GSDME: variants seen among roughly 807,000 people sequenced by gnomAD.
GSDME encodes gasdermin-E.
GSDME carries 44 observed loss-of-function variants against 47.5 expected under a neutral mutation model. The observed-to-expected ratio is 0.93, with a 90% CI of 0.73 to 1.19. GSDME has a LOEUF of 1.19. Among genes scored for constraint, GSDME ranks in the 50% most tolerant of loss-of-function variants. The probability of loss-of-function intolerance (pLI) is 0.00; values close to 1 mark genes in which losing one functional copy is unlikely to be tolerated. For missense variants in GSDME, 663 were observed against 604.2 expected, an observed-to-expected ratio of 1.10 and a Z score of -1.02; for synonymous variants, 258 against 252.8, an observed-to-expected ratio of 1.02 and a Z score of -0.20.
At chr7:24,700,919 C>A (rs751212395) in intron 9 of GSDME, among the ~76,000 whole-genome samples, 3 of 152,188 alleles carry the variant, frequency 2.0e-5, no homozygotes, top group Non-Finnish European at 4.4e-5. Context: ...TCCACCACCC[C>A]CTTTGCCCAC....
At chr7:24,717,567 C>T (rs774651801) in intron 4 of GSDME, among the ~76,000 whole-genome samples, 193 bp from the exon 5 acceptor site, 35 of 152,130 alleles carry the variant, frequency 2.3e-4, no homozygotes, top group Non-Finnish European at 3.7e-4. Context: ...ACACAAATTC[C>T]CAAGTAAACG....
chr7:24,707,504 A>T lies in GSDME; in HGVS notation c.990+623T>A, dbSNP rs144496723. On this transcript the variant is annotated intron_variant, in intron 7 of 9. Transcript: ENST00000645220. ...AGGCTGACTTTATAGATTCCACCAC[A>T]CGACCCCCTTGCAGTAGTCTGAGTA... 53 of 458,948 alleles carry T rather than the reference A, an allele frequency of 1.2e-4. No homozygotes were observed. The East Asian group carries it at 2.9e-3, about 25-fold the overall frequency. 28.4% of individuals were successfully genotyped at this position (458,948 alleles called of 1,614,324 possible). A position where few individuals can be genotyped will look rare whatever the true frequency, so the allele number is the denominator to read the frequency against.
At chr7:24,707,772 A>G in intron 7 of GSDME, 1 of 476,398 alleles carries the variant, frequency 2.1e-6, no homozygotes, top group Non-Finnish European at 3.7e-6. Context: ...ACTAGGAGCC[A>G]TCCGCAGCTG....
chr7:24,766,162 C>T, the GSDME span, among the ~76,000 whole-genome samples: 2 of 148,882 alleles, frequency 1.3e-5, no homozygotes, highest in Non-Finnish European at 3.0e-5. This position sits in a 1 kb window ranked among gnomAD's most constrained non-coding sequence, Gnocchi z 4.2. Flanking sequence ...TTTCTATGGC[C>T]ATGATATTAA....
the GSDME span, among the ~76,000 whole-genome samples, chr7:24,790,433 G>C: frequency 6.6e-6 from 1 of 152,154 alleles, no homozygotes; most frequent in African/African-American, 2.4e-5. This position sits in a 1 kb window ranked among gnomAD's most constrained non-coding sequence, Gnocchi z 4.1. Flanking sequence ...GGGAAGCATA[G>C]ACAGGGAAGC....
chr7:24,736,811 C>T lies in GSDME; in HGVS notation c.404+7751G>A, dbSNP rs1173538971. Among the ~76,000 whole-genome samples the T allele has an allele frequency of 6.6e-6, 1 of 152,094 alleles. No homozygotes were observed. The highest frequency in any genetic ancestry group is 1.5e-5 in the Non-Finnish European group (1 of 67,984). On this transcript the variant is annotated intron_variant, in intron 3 of 9. Coordinates refer to ENST00000645220, the MANE Select transcript of GSDME (RefSeq NM_001127453.2). The surrounding 1 kb of genome is among the most constrained non-coding windows in gnomAD (Gnocchi z 4.6). ...CAAAAAATTGAAATAATATAAAGTA[C>T]CTTCTCTGACCACAGTGGAATAAAA...
At chr7:24,741,151 G>A (rs1415511705) in intron 3 of GSDME, among the ~76,000 whole-genome samples, 1 of 152,122 alleles carries the variant, frequency 6.6e-6, no homozygotes, top group Non-Finnish European at 1.5e-5. Flanking sequence ...TATTGACCAG[G>A]AATAAACTTA....
upstream of GSDME, among the ~76,000 whole-genome samples, chr7:24,759,075 C>G (rs1791121761): frequency 6.6e-6 from 1 of 152,152 alleles, no homozygotes; most frequent in Admixed American, 6.5e-5. Context: ...TCGAAATGGT[C>G]CATGGTGGTA....
At chr7:24,749,172 A>T (rs1290012135) in intron 2 of GSDME, among the ~76,000 whole-genome samples, 1 of 152,216 alleles carries the variant, frequency 6.6e-6, no homozygotes, top group South Asian at 2.1e-4. Context: ...AGAATTCATT[A>T]TAAAGTATCT....
chr7:24,716,998 T>C lies in GSDME; in HGVS notation c.697+256A>G. On this transcript the variant is annotated intron_variant, in intron 5 of 9. Transcript: ENST00000645220. This position sits in a 1 kb window ranked among gnomAD's most constrained non-coding sequence, Gnocchi z 4.5. ...GAGGACACAGCCCAGCCCTCTACTGTGCTGGTGGAACTTTGCCCCACACCA... is the reference window on the plus strand; with the variant it reads ...GAGGACACAGCCCAGCCCTCTACTGCGCTGGTGGAACTTTGCCCCACACCA... 1.9e-6 allele frequency: 1 copy of C among 513,312 alleles called. No homozygotes were observed. Among genetic ancestry groups the C allele is most frequent in the South Asian group, 2.0e-5 (1 of 50,064 alleles). 31.8% of individuals were successfully genotyped at this position (513,312 alleles called of 1,614,324 possible).
At chr7:24,790,792 C>T in the GSDME span, among the ~76,000 whole-genome samples, 1 of 152,138 alleles carries the variant, frequency 6.6e-6, no homozygotes, top group Non-Finnish European at 1.5e-5. This position sits in a 1 kb window ranked among gnomAD's most constrained non-coding sequence, Gnocchi z 4.1. Context: ...TGGCATTATA[C>T]AAACAAGTCC....
chr7:24,772,521 A>G, the GSDME span, among the ~76,000 whole-genome samples: 4 of 152,182 alleles, frequency 2.6e-5, no homozygotes, highest in Non-Finnish European at 4.4e-5. The surrounding 1 kb of genome is among the most constrained non-coding windows in gnomAD (Gnocchi z 4.5). Flanking sequence ...CAGAGTCGGC[A>G]CTCCACAGAT....
the GSDME span, among the ~76,000 whole-genome samples, chr7:24,766,202 T>TGC: frequency 6.7e-6 from 1 of 148,818 alleles, no homozygotes; most frequent in Non-Finnish European, 1.5e-5. The surrounding 1 kb of genome is among the most constrained non-coding windows in gnomAD (Gnocchi z 4.2). Context: ...TGTGTGTGTG[T>TGC]GTGTGTGTGT....
chr7:24,702,134 C>A (rs1335325706), intron 9 of GSDME, among the ~76,000 whole-genome samples: 1 of 152,204 alleles, frequency 6.6e-6, no homozygotes, highest in African/African-American at 2.4e-5. Flanking sequence ...ACTAGCTGCC[C>A]CATCAGGGTG....
At chr7:24,755,712 C>T (rs1790993406) in intron 1 of GSDME, among the ~76,000 whole-genome samples, 1 of 152,212 alleles carries the variant, frequency 6.6e-6, no homozygotes, top group East Asian at 1.9e-4. Flanking sequence ...CCCTTGACCA[C>T]TCTACTCTGC....
intron 1 of GSDME, among the ~76,000 whole-genome samples, chr7:24,753,416 G>A (rs145067368): frequency 1.4e-4 from 22 of 152,266 alleles, no homozygotes; most frequent in Admixed American, 3.3e-4. Context: ...GTCCCATGTT[G>A]CTGACCACTT....
the GSDME span, among the ~76,000 whole-genome samples, chr7:24,781,948 G>T: frequency 3.3e-5 from 5 of 152,146 alleles, no homozygotes; most frequent in Non-Finnish European, 7.4e-5. Context: ...GTCTTGCTAT[G>T]TTGCCCAGGC....
chr7:24,721,575 G>A lies in GSDME; in HGVS notation c.405-2357C>T, dbSNP rs1789788760. On this transcript the variant is annotated intron_variant, in intron 3 of 9. Transcript: ENST00000645220. The surrounding 1 kb of genome is among the most constrained non-coding windows in gnomAD (Gnocchi z 4.1). ...GGTTCCGTCAGGGTTTAGATGACAT[G>A]CATGCAGTGAGCCATTAGGGTGTGC... Among the ~76,000 whole-genome samples the A allele has an allele frequency of 6.6e-6, 1 of 152,240 alleles. No individual in the cohort carries two copies. Among genetic ancestry groups the A allele is most frequent in the Admixed American group, 6.5e-5 (1 of 15,286 alleles).
intron 8 of GSDME, 82 bp downstream of exon 8, chr7:24,706,102 T>G: frequency 6.6e-7 from 1 of 1,525,156 alleles, no homozygotes; most frequent in East Asian, 2.3e-5. Flanking sequence ...AGTTACCACC[T>G]CTGTGTCCCC....
Sources: allele counts gnomAD v4.1 joint callset (sites outside exome capture counted in the v4.1 genomes callset), GRCh38; gene constraint gnomAD v4.1.1; non-coding constraint Gnocchi (gnomAD v3.1); transcripts MANE v1.5; gene names NCBI Gene and HGNC (gene_info 2026-07-23, HGNC 2026-07-21).